EXOC4: variants seen among roughly 807,000 people sequenced by gnomAD.
EXOC4 encodes the protein exocyst complex component 4, also known as SEC8-like 1.
A neutral mutation model predicts 107.2 loss-of-function variants in EXOC4; 71 were observed. The ratio of observed to expected loss-of-function variants is 0.66; its 90% CI spans 0.55 to 0.81. The LOEUF (loss-of-function observed/expected upper bound fraction) is 0.81, where lower values mean the gene tolerates loss of function less well. EXOC4 is among the 30% of genes least tolerant of loss of function. The pLI is 0.00. For missense variants in EXOC4, 1,108 were observed against 1,189.6 expected (o/e 0.93, Z 1.01); for synonymous variants, 456 against 441.2 (o/e 1.03, Z -0.42).
At chr7:133,274,265 C>T (rs1224458682) in intron 1 of EXOC4, among the ~76,000 whole-genome samples, 3 of 152,142 alleles carry the variant, frequency 2.0e-5, no homozygotes, top group Non-Finnish European at 1.5e-5. Flanking sequence ...GGGCTCCATA[C>T]CAAATTCAGG....
chr7:133,813,260 A>G (rs991848950), intron 10 of EXOC4, among the ~76,000 whole-genome samples: 2 of 152,164 alleles, frequency 1.3e-5, no homozygotes, highest in African/African-American at 2.4e-5. Flanking sequence ...AGAAAGAAAG[A>G]AAATGAGGCT....
chr7:133,441,344 C>G (rs1798099161), intron 7 of EXOC4, among the ~76,000 whole-genome samples: 2 of 152,100 alleles, frequency 1.3e-5, no homozygotes, highest in South Asian at 4.1e-4. Context: ...GAAATTCCAT[C>G]TGAAGATTTT....
intron 10 of EXOC4, among the ~76,000 whole-genome samples, chr7:133,681,873 T>C (rs1482135185): frequency 2.0e-5 from 3 of 152,122 alleles, no homozygotes; most frequent in Non-Finnish European, 4.4e-5. Context: ...AAAACAGCAC[T>C]AGATTTATAA....
Position 133,305,998 on chromosome 7 carries a change from G to A in EXOC4, c.593G>A (p.Arg198Gln), listed in dbSNP as rs780366423. 7 of 1,613,646 alleles carry A rather than the reference G, an allele frequency of 4.3e-6. No individual in the cohort carries two copies. Among genetic ancestry groups the A allele is most frequent in the South Asian group, 1.1e-5 (1 of 91,032 alleles). ...TTGGTTCTCATAGATGAACTACACC[G>A]GCACCTGTACATCAAATCGACTAGC... ...LHLVLIDELH[R>Q]HLYIKSTSRV... Residue 198 changes from arginine to glutamine, a missense_variant, in exon 4 of 18, where the codon CGG (arginine) becomes CAG (glutamine). Coordinates refer to ENST00000253861, the MANE Select transcript of EXOC4 (RefSeq NM_021807.4).
intron 11 of EXOC4, among the ~76,000 whole-genome samples, chr7:133,823,872 T>TATATATATATATATATATTA: frequency 8.6e-5 from 1 of 11,600 alleles, no homozygotes; most frequent in East Asian, 2.4e-3. Flanking sequence ...TATATATATA[T>TATATATATATATATATATTA]TATATATATA....
At position 133,641,396 on chromosome 7, in the gene EXOC4, G is replaced by C. The variant is rs1000932466; in HGVS notation, c.1514+11255G>C. ...TCATTGTAATTCTTGAATATTAAAA[G>C]ATACTTTTTAAATCTCTACACTGTC... is the stretch of plus-strand genomic sequence containing the variant. On this transcript the variant is annotated intron_variant, in intron 10 of 17. Transcript: ENST00000253861. Among the ~76,000 whole-genome samples the C allele has an allele frequency of 2.0e-5, 3 of 151,802 alleles. No homozygotes were observed. In the East Asian group the frequency reaches 5.8e-4, roughly 29 times the overall value.
intron 10 of EXOC4, among the ~76,000 whole-genome samples, chr7:133,687,949 A>G (rs759750800): frequency 9.9e-5 from 15 of 152,206 alleles, no homozygotes; most frequent in African/African-American, 1.4e-4. Context: ...ACTAGTGTAT[A>G]ACTCTAACAA....
At chr7:133,436,058 T>TTTG (rs1554452697) in intron 7 of EXOC4, among the ~76,000 whole-genome samples, 10 of 151,224 alleles carry the variant, frequency 6.6e-5, no homozygotes, top group African/African-American at 2.4e-4. Flanking sequence ...GTTTTTTTTT[T>TTTG]TTTGTTTTTT....
downstream of EXOC4, among the ~76,000 whole-genome samples, chr7:134,068,945 G>T (rs1270789811): frequency 6.6e-6 from 1 of 152,162 alleles, no homozygotes; most frequent in Non-Finnish European, 1.5e-5. Context: ...GTCGGGCAAT[G>T]ACAGGCAAAA....
chr7:133,429,417 T>C (rs1326042533), intron 7 of EXOC4, among the ~76,000 whole-genome samples: 1 of 152,252 alleles, frequency 6.6e-6, no homozygotes, highest in Admixed American at 6.5e-5. Context: ...CCATAATTTT[T>C]AATTTTTTAA....
At chr7:133,579,625 A>G (rs1205044475) in intron 9 of EXOC4, among the ~76,000 whole-genome samples, 2 of 152,074 alleles carry the variant, frequency 1.3e-5, no homozygotes, top group African/African-American at 4.8e-5. Flanking sequence ...ATATCCATTA[A>G]ACAATAATTC....
intron 11 of EXOC4, among the ~76,000 whole-genome samples, chr7:133,872,586 AT>A (rs1286062256): frequency 1.3e-5 from 2 of 152,338 alleles, no homozygotes; most frequent in East Asian, 3.9e-4. Context: ...TTTAAAAAAA[AT>A]CTTAGTGATA....
At chr7:134,059,732 G>A (rs1345409971) in intron 17 of EXOC4, among the ~76,000 whole-genome samples, 2 of 152,216 alleles carry the variant, frequency 1.3e-5, no homozygotes, top group Admixed American at 1.3e-4. Flanking sequence ...TCAACTATAA[G>A]AAAGAAATTG....
intron 11 of EXOC4, among the ~76,000 whole-genome samples, chr7:133,877,921 C>T (rs1798884451): frequency 6.6e-6 from 1 of 152,172 alleles, no homozygotes; most frequent in African/African-American, 2.4e-5. Context: ...GTCCAGGTCC[C>T]TTCTTCCTGC....
chr7:133,596,631 G>A (rs150472780), intron 9 of EXOC4, among the ~76,000 whole-genome samples: 1 of 152,272 alleles, frequency 6.6e-6, no homozygotes, highest in African/African-American at 2.4e-5. Flanking sequence ...TACATCATAG[G>A]TGGTGGGTTC....
intron 17 of EXOC4, among the ~76,000 whole-genome samples, chr7:134,051,032 C>CA (rs1213159966): frequency 2.0e-5 from 3 of 151,522 alleles, no homozygotes; most frequent in Non-Finnish European, 2.9e-5. Context: ...ACAACTGGAC[C>CA]AAAAAAATGA....
rs576677053 is a variant in EXOC4 at position 133,497,224 on chromosome 7, C to A, written c.1417+17086C>A. ...ACCCTAAACATAGGACTCAGCTAAT[C>A]CATGTCTGGACTTCTGACCCACAGA... On this transcript the variant is annotated intron_variant, in intron 9 of 17. Transcript: ENST00000253861. Among the ~76,000 whole-genome samples, 8 of 152,262 alleles carry A rather than the reference C, an allele frequency of 5.3e-5. No homozygotes were observed. In the East Asian group the frequency reaches 1.5e-3, roughly 29 times the overall value.
intron 11 of EXOC4, among the ~76,000 whole-genome samples, chr7:133,830,456 A>G (rs1054282227): frequency 1.3e-5 from 2 of 152,206 alleles, no homozygotes; most frequent in South Asian, 2.1e-4. Context: ...GAAATCTTCA[A>G]CACATAGTAG....
At chr7:133,616,806 T>C (rs538943231) in intron 9 of EXOC4, among the ~76,000 whole-genome samples, 3 of 152,334 alleles carry the variant, frequency 2.0e-5, no homozygotes, top group Admixed American at 1.3e-4. Context: ...TCAACGATTA[T>C]AATTGGACTA....
Sources: allele counts gnomAD v4.1 joint callset (sites outside exome capture counted in the v4.1 genomes callset), GRCh38; gene constraint gnomAD v4.1.1; transcripts MANE v1.5; gene names NCBI Gene and HGNC (gene_info 2026-07-23, HGNC 2026-07-21).